Variants in MAGI2 observed in about 807,000 individuals in gnomAD.
MAGI2 encodes the protein membrane-associated guanylate kinase, WW and PDZ domain-containing protein 2.
In MAGI2, 35 loss-of-function variants were observed where a neutral mutation model predicts 133.3. That is an observed-to-expected ratio of 0.26 (90% CI 0.20 to 0.35). The LOEUF (loss-of-function observed/expected upper bound fraction) is 0.35. Ranked by LOEUF, MAGI2 falls within the 10% of genes least tolerant of loss-of-function variation. The pLI is 1.00. For synonymous variants in MAGI2, 729 were observed against 710.6 expected, an observed-to-expected ratio of 1.03 and a Z score of -0.41; for missense variants, 1,636 against 1,863.4, an observed-to-expected ratio of 0.88 and a Z score of 2.25.
intron 21 of MAGI2, among the ~76,000 whole-genome samples, chr7:78,067,190 A>G (rs1307023861): frequency 6.6e-6 from 1 of 152,210 alleles, no homozygotes; most frequent in Non-Finnish European, 1.5e-5. Flanking sequence ...GCCAAGATGC[A>G]AGTAATTTTG....
intron 2 of MAGI2, among the ~76,000 whole-genome samples, chr7:78,815,741 G>A (rs1789514521): frequency 6.6e-6 from 1 of 152,140 alleles, no homozygotes; most frequent in South Asian, 2.1e-4. Flanking sequence ...GCTTAAGACA[G>A]CAAAATTAAT....
intron 9 of MAGI2, among the ~76,000 whole-genome samples, chr7:78,322,287 G>T (rs1404247412): frequency 6.6e-6 from 1 of 152,104 alleles, no homozygotes; most frequent in Non-Finnish European, 1.5e-5. Flanking sequence ...TATAAATCAT[G>T]CTACTATAAA....
chr7:78,672,459 T>C (rs575061908), intron 2 of MAGI2, among the ~76,000 whole-genome samples: 104 of 152,302 alleles, frequency 6.8e-4, no homozygotes, highest in Non-Finnish European at 1.1e-3. Context: ...GTATTCTTTA[T>C]AGCAATACAA....
chr7:78,634,064 A>C (rs1425888765), intron 2 of MAGI2, among the ~76,000 whole-genome samples: 2 of 152,214 alleles, frequency 1.3e-5, no homozygotes, highest in Non-Finnish European at 2.9e-5. Context: ...AACTTCACTC[A>C]GGCTAACACT....
At chr7:79,329,483 A>G (rs1442932153) in intron 1 of MAGI2, among the ~76,000 whole-genome samples, 1 of 152,266 alleles carries the variant, frequency 6.6e-6, no homozygotes, top group African/African-American at 2.4e-5. Flanking sequence ...GCAAAGTAAA[A>G]TAATACAACA....
intron 9 of MAGI2, among the ~76,000 whole-genome samples, chr7:78,294,635 T>C (rs529401410): frequency 6.6e-6 from 1 of 152,154 alleles, no homozygotes; most frequent in Middle Eastern, 3.4e-3. Context: ...AACTTACTAG[T>C]AGTGCACTAT....
intron 2 of MAGI2, among the ~76,000 whole-genome samples, chr7:78,978,783 T>C (rs998265830): frequency 6.6e-6 from 1 of 151,774 alleles, no homozygotes; most frequent in Non-Finnish European, 1.5e-5. Flanking sequence ...CTAGGTAACT[T>C]GGGAAATAAG....
intron 9 of MAGI2, among the ~76,000 whole-genome samples, chr7:78,332,580 C>T (rs145015678): frequency 0.014 from 2,125 of 151,774 alleles, 55 homozygotes; most frequent in African/African-American, 0.049. Flanking sequence ...CGCCTGTAGT[C>T]CCAGCTACTC....
intron 3 of MAGI2, among the ~76,000 whole-genome samples, chr7:78,546,578 G>A (rs1314877219): frequency 6.6e-6 from 1 of 152,096 alleles, no homozygotes; most frequent in Admixed American, 6.6e-5. Flanking sequence ...ACAATTGACT[G>A]TGTTGATTAG....
intron 2 of MAGI2, among the ~76,000 whole-genome samples, chr7:78,716,817 A>T (rs773606643): frequency 2.0e-5 from 3 of 152,186 alleles, no homozygotes; most frequent in Non-Finnish European, 4.4e-5. Context: ...TTCAGAGAAA[A>T]CTGAAGAACT....
chr7:79,094,873 A>G (rs1300712250), intron 1 of MAGI2, among the ~76,000 whole-genome samples: 1 of 152,158 alleles, frequency 6.6e-6, no homozygotes, highest in Non-Finnish European at 1.5e-5. Context: ...TTGTTTTTCA[A>G]TTTATGGAAC....
intron 3 of MAGI2, among the ~76,000 whole-genome samples, chr7:78,536,334 G>A (rs997222627): frequency 2.7e-4 from 41 of 151,314 alleles, no homozygotes; most frequent in African/African-American, 9.2e-4. Context: ...GGATGGTCTC[G>A]ATCTCCTGAC....
chr7:78,556,837 C>T (rs1799867989), intron 3 of MAGI2, among the ~76,000 whole-genome samples: 1 of 151,866 alleles, frequency 6.6e-6, no homozygotes, highest in South Asian at 2.1e-4. Flanking sequence ...GCCTGTAATC[C>T]CAGCACTTTG....
chr7:79,390,115 A>T (rs746725123), intron 1 of MAGI2, among the ~76,000 whole-genome samples: 2 of 152,198 alleles, frequency 1.3e-5, no homozygotes, highest in Non-Finnish European at 2.9e-5. Flanking sequence ...CAGCAGGTAT[A>T]AATAAATTAG....
chr7:78,217,453 C>T (rs1325739238), intron 10 of MAGI2, among the ~76,000 whole-genome samples: 2 of 152,166 alleles, frequency 1.3e-5, no homozygotes, highest in African/African-American at 2.4e-5. Flanking sequence ...TTTACCAATA[C>T]TCAATTTTTA....
chr7:78,290,658 T>G (rs368971002), intron 9 of MAGI2, among the ~76,000 whole-genome samples: 1 of 152,128 alleles, frequency 6.6e-6, no homozygotes, highest in Non-Finnish European at 1.5e-5. Flanking sequence ...CAGCACCACA[T>G]TGCATTGCAC....
intron 1 of MAGI2, among the ~76,000 whole-genome samples, chr7:79,186,761 A>ATATATACAAAAG (rs1827198264): frequency 9.7e-6 from 1 of 102,908 alleles, no homozygotes; most frequent in African/African-American, 3.5e-5. Flanking sequence ...GTATATATAT[A>ATATATACAAAAG]TATATATATA....
intron 21 of MAGI2, among the ~76,000 whole-genome samples, chr7:78,065,164 C>CA (rs1282634089): frequency 6.6e-6 from 1 of 152,202 alleles, no homozygotes; most frequent in East Asian, 1.9e-4. Flanking sequence ...GAAGGTCTGG[C>CA]AACTGTGGCT....
chr7:79,299,752 C>T (rs1837246912), intron 1 of MAGI2, among the ~76,000 whole-genome samples: 1 of 151,800 alleles, frequency 6.6e-6, no homozygotes, highest in Non-Finnish European at 1.5e-5. Flanking sequence ...AATTGTAATC[C>T]CCAATGCTAG....
Sources: allele counts gnomAD v4.1 joint callset (sites outside exome capture counted in the v4.1 genomes callset), GRCh38; gene constraint gnomAD v4.1.1; transcripts MANE v1.5; gene names NCBI Gene and HGNC (gene_info 2026-07-23, HGNC 2026-07-21).